BACH2: variants seen among roughly 807,000 people sequenced by gnomAD.
The protein encoded by BACH2 is BACH transcriptional regulator 2, also known as transcription regulator protein BACH2.
A neutral mutation model predicts 61.8 loss-of-function variants in BACH2; 5 were observed. The ratio of observed to expected loss-of-function variants is 0.08; its 90% CI spans 0.04 to 0.17. The LOEUF is 0.17. Among genes scored for constraint, BACH2 ranks in the 10% least tolerant of loss-of-function variants. The pLI is 1.00. For synonymous variants in BACH2, 446 were observed against 440.1 expected, an observed-to-expected ratio of 1.01 and a Z score of -0.17; for missense variants, 824 against 1,091.1, an observed-to-expected ratio of 0.76 and a Z score of 3.45.
intron 2 of BACH2, among the ~76,000 whole-genome samples, chr6:90,269,087 T>C (rs777577088): frequency 3.9e-5 from 6 of 152,122 alleles, no homozygotes; most frequent in Non-Finnish European, 7.3e-5. Flanking sequence ...ATTAACTTCA[T>C]TTTCATTTTT....
chr6:90,037,925 G>A, intron 5 of BACH2, among the ~76,000 whole-genome samples: 1 of 152,132 alleles, frequency 6.6e-6, no homozygotes, highest in Admixed American at 6.5e-5. Flanking sequence ...GAGTGATGTG[G>A]CTACAAGCCA....
intron 5 of BACH2, among the ~76,000 whole-genome samples, chr6:90,075,355 T>C (rs1230954767): frequency 1.3e-5 from 2 of 152,154 alleles, no homozygotes; most frequent in Non-Finnish European, 2.9e-5. Flanking sequence ...ACATTTTACA[T>C]GATGCCTTTT....
chr6:89,969,780 G>A (rs1237075797), intron 6 of BACH2, among the ~76,000 whole-genome samples: 1 of 152,192 alleles, frequency 6.6e-6, no homozygotes, highest in Non-Finnish European at 1.5e-5. Flanking sequence ...ACAGTGCTCG[G>A]AAAACCATGG....
intron 4 of BACH2, among the ~76,000 whole-genome samples, chr6:90,171,043 T>C (rs182525121): frequency 2.4e-4 from 36 of 149,192 alleles, no homozygotes; most frequent in African/African-American, 8.6e-4. Context: ...AAAAAAAAAA[T>C]CTTCCCAGAA....
At chr6:90,060,080 C>T (rs1200261681) in intron 5 of BACH2, among the ~76,000 whole-genome samples, 1 of 150,482 alleles carries the variant, frequency 6.6e-6, no homozygotes, top group African/African-American at 2.5e-5. Context: ...ACGTATGTAA[C>T]GAAGCTGCAC....
intron 4 of BACH2, among the ~76,000 whole-genome samples, chr6:90,193,928 T>C (rs945686621): frequency 6.6e-6 from 1 of 152,232 alleles, no homozygotes. Flanking sequence ...GAAGATATTT[T>C]GGGGTAAATT....
chr6:90,235,071 T>C (rs763198485), intron 3 of BACH2, among the ~76,000 whole-genome samples: 5 of 152,210 alleles, frequency 3.3e-5, no homozygotes, highest in Non-Finnish European at 7.3e-5. Flanking sequence ...TCTTTTTTGC[T>C]TTAGTCCGTT....
At chr6:90,165,477 A>T (rs1411717164) in intron 4 of BACH2, among the ~76,000 whole-genome samples, 2 of 152,160 alleles carry the variant, frequency 1.3e-5, no homozygotes, top group African/African-American at 2.4e-5. Context: ...AAATGGCCAT[A>T]CTGCCCAAGG....
intron 4 of BACH2, among the ~76,000 whole-genome samples, chr6:90,185,287 C>T (rs1360470894): frequency 6.6e-6 from 1 of 152,128 alleles, no homozygotes; most frequent in Non-Finnish European, 1.5e-5. Flanking sequence ...ACTTTTTACA[C>T]ATTAAATGTC....
chr6:90,202,439 A>T (rs1768987850), intron 4 of BACH2, among the ~76,000 whole-genome samples: 1 of 152,184 alleles, frequency 6.6e-6, no homozygotes, highest in African/African-American at 2.4e-5. Flanking sequence ...GAGAAAAAAA[A>T]ATTCTGCTGG....
At chr6:89,941,659 G>T (rs766095241) in intron 7 of BACH2, among the ~76,000 whole-genome samples, 2 of 152,162 alleles carry the variant, frequency 1.3e-5, no homozygotes, top group African/African-American at 4.8e-5. Flanking sequence ...CGGTGTCTCC[G>T]GAACACAGAG....
At chr6:90,291,673 G>A (rs1489101699) in intron 1 of BACH2, among the ~76,000 whole-genome samples, 1 of 151,080 alleles carries the variant, frequency 6.6e-6, no homozygotes, top group Non-Finnish European at 1.5e-5. Flanking sequence ...TTTACAAAAT[G>A]TTTAGTTCAT....
At chr6:90,095,174 A>G (rs1782330529) in intron 4 of BACH2, among the ~76,000 whole-genome samples, 1 of 152,156 alleles carries the variant, frequency 6.6e-6, no homozygotes, top group African/African-American at 2.4e-5. Context: ...GGGGTTCAAA[A>G]GGAAAGAGGT....
At chr6:90,233,698 A>G (rs191325940) in intron 3 of BACH2, among the ~76,000 whole-genome samples, 13 of 152,306 alleles carry the variant, frequency 8.5e-5, no homozygotes, top group South Asian at 8.3e-4. Flanking sequence ...TGGTATTACA[A>G]TTATGTTATT....
At chr6:90,293,512 C>T (rs73755647) in intron 1 of BACH2, among the ~76,000 whole-genome samples, 422 of 152,330 alleles carry the variant, frequency 2.8e-3, no homozygotes, top group African/African-American at 9.5e-3. Flanking sequence ...AGCTCACAAG[C>T]GCTAATGAAT....
intron 3 of BACH2, among the ~76,000 whole-genome samples, chr6:90,231,272 A>C (rs1389915832): frequency 6.6e-6 from 1 of 152,198 alleles, no homozygotes; most frequent in African/African-American, 2.4e-5. Flanking sequence ...CATACTTTTT[A>C]TCTATCAAGG....
chr6:90,265,369 T>C (rs1034278794), intron 2 of BACH2, among the ~76,000 whole-genome samples: 1 of 152,240 alleles, frequency 6.6e-6, no homozygotes, highest in South Asian at 2.1e-4. Flanking sequence ...AGAAGTCTCT[T>C]GTCAGCTTCC....
chr6:89,941,774 C>T (rs1773446363), intron 7 of BACH2, among the ~76,000 whole-genome samples: 1 of 152,162 alleles, frequency 6.6e-6, no homozygotes, highest in African/African-American at 2.4e-5. Flanking sequence ...TCTGCTTCTG[C>T]TCTAAATGTG....
In BACH2 at chr6:90,025,151, C is replaced by T. The variant is rs1274816607; in HGVS notation, c.-12-16295G>A. On this transcript the variant is annotated intron_variant, in intron 5 of 8. Coordinates refer to ENST00000257749, the MANE Select transcript of BACH2 (RefSeq NM_021813.4). ...AGCCCATGTCAGGCCATCCAAGGGG[C>T]ATGATTACTGTTAGTGGTGGTTGGT... 2.6e-5 allele frequency among the ~76,000 whole-genome samples: 4 copies of T among 152,134 alleles called. No individual in the cohort carries two copies. In the East Asian group the frequency reaches 7.7e-4, roughly 29 times the overall value.
Sources: gnomAD v4.1 joint callset for allele counts (sites outside exome capture counted in the v4.1 genomes callset) on GRCh38, gnomAD v4.1.1 for gene constraint, MANE v1.5 for transcripts, NCBI Gene and HGNC (gene_info 2026-07-23, HGNC 2026-07-21) for gene names.